Variants in SAXO1 observed in about 807,000 individuals in gnomAD.
SAXO1 encodes 4930500O09Rik.
Under a neutral mutation model 17.5 loss-of-function variants are expected in SAXO1, and 21 were observed. That is an observed-to-expected ratio of 1.20 (90% CI 0.85 to 1.72). SAXO1 has a LOEUF of 1.72. Ranked by LOEUF, SAXO1 falls within the 40% of genes most tolerant of loss-of-function variation. The pLI, the probability that SAXO1 is intolerant of heterozygous loss-of-function variation, is 0.00. For synonymous variants in SAXO1, 274 were observed against 216.5 expected, an observed-to-expected ratio of 1.27 and a Z score of -2.33; for missense variants, 843 against 596.0, an observed-to-expected ratio of 1.41 and a Z score of -4.32.
chr9:19,017,436 A>G (rs780580150), intron 1 of SAXO1, among the ~76,000 whole-genome samples: 2 of 152,242 alleles, frequency 1.3e-5, no homozygotes, highest in African/African-American at 2.4e-5. Context: ...TGAAGAATTC[A>G]TTCTACAGAC....
chr9:18,993,516 G>C (rs959104304), intron 1 of SAXO1, among the ~76,000 whole-genome samples: 5 of 152,176 alleles, frequency 3.3e-5, no homozygotes, highest in African/African-American at 1.2e-4. Flanking sequence ...GTGCAGACAT[G>C]TCCCATGTAA....
At chr9:18,985,641 C>T (rs1233937283) in intron 1 of SAXO1, among the ~76,000 whole-genome samples, 1 of 152,190 alleles carries the variant, frequency 6.6e-6, no homozygotes, top group Non-Finnish European at 1.5e-5. Context: ...CACGATGGAG[C>T]CCAAGGGCCT....
chr9:18,929,715 T>A (rs556682676), intron 3 of SAXO1, among the ~76,000 whole-genome samples: 50 of 152,314 alleles, frequency 3.3e-4, no homozygotes, highest in African/African-American at 8.9e-4. Context: ...CTTCAGACTG[T>A]CCTAATAAGG....
intron 1 of SAXO1, among the ~76,000 whole-genome samples, chr9:19,043,392 A>T (rs1836124591): frequency 6.6e-6 from 1 of 152,174 alleles, no homozygotes; most frequent in African/African-American, 2.4e-5. Flanking sequence ...TGGTTACCAG[A>T]GGCTGGGAAG....
chr9:19,028,228 T>C, intron 1 of SAXO1: 1 of 872,434 alleles, frequency 1.1e-6, no homozygotes, highest in Non-Finnish European at 1.7e-6. Flanking sequence ...ATACAAAAAT[T>C]AGCCGGCCGT....
At position 19,033,072 on chromosome 9, in the gene SAXO1, G is replaced by A. The variant is rs914435962; in HGVS notation, c.-164C>T. 3.7e-5 allele frequency: 24 copies of A among 653,704 alleles called. 1 individual carries two copies. The Admixed American group carries it at 4.7e-4, about 13-fold the overall frequency. The allele number at this position is 653,704 out of a possible 1,614,324, so 40.5% of individuals were successfully genotyped here. Reference sequence around the variant, plus strand: ...AGTGGCCCTTTTGCAATGTCCTGTCGTCTGTTGCCCTCCTGGAGCTGGCCT... The same window carrying A: ...AGTGGCCCTTTTGCAATGTCCTGTCATCTGTTGCCCTCCTGGAGCTGGCCT... On this transcript the variant is annotated 5_prime_UTR_variant, in exon 1 of 4. The change creates a new upstream start codon in the 5' untranslated region. Coordinates refer to ENST00000380534, the MANE Select transcript of SAXO1 (RefSeq NM_153707.4).
chr9:19,013,540 A>ATTTTTT (rs1219136885), intron 1 of SAXO1, among the ~76,000 whole-genome samples: 14 of 93,190 alleles, frequency 1.5e-4, no homozygotes, highest in African/African-American at 2.1e-4. Flanking sequence ...AAAAGTACGG[A>ATTTTTT]TTTTTTTTTT....
At chr9:18,957,797 C>A (rs951840586) in intron 1 of SAXO1, among the ~76,000 whole-genome samples, 1 of 152,142 alleles carries the variant, frequency 6.6e-6, no homozygotes, top group Non-Finnish European at 1.5e-5. Flanking sequence ...CCCCCACAAC[C>A]CAACTGGCCT....
intron 1 of SAXO1, among the ~76,000 whole-genome samples, chr9:19,012,208 A>C (rs1834774038): frequency 6.6e-6 from 1 of 152,170 alleles, no homozygotes; most frequent in Non-Finnish European, 1.5e-5. Flanking sequence ...TTTTCTTTTG[A>C]CCAAAGGCAA....
chr9:19,011,546 G>A (rs1032445222), intron 1 of SAXO1, among the ~76,000 whole-genome samples: 2 of 152,176 alleles, frequency 1.3e-5, no homozygotes, highest in Admixed American at 1.3e-4. Context: ...AAATTGTAGG[G>A]CCCAAGGCTA....
intron 1 of SAXO1, among the ~76,000 whole-genome samples, chr9:18,986,608 G>T (rs1368302136): frequency 1.8e-5 from 2 of 109,940 alleles, no homozygotes; most frequent in Non-Finnish European, 4.7e-5. Flanking sequence ...TTCTCCAAAG[G>T]AGAAAAAAAA....
rs767391256 is a variant in SAXO1 at position 18,928,378 on chromosome 9, G to A, written c.1099C>T (p.Pro367Ser). Residue 367 changes from proline (P) to serine (S), a missense_variant, in exon 4 of 4, where the codon CCC (proline) becomes TCC (serine). Physicochemically the swap from Pro to Ser is moderately conservative, Grantham distance 74. Transcript: ENST00000380534. ...CGAGTGGTGGTCAGGCAGTCCAGGG[G>A]CTCGGTGGGCAAGTCCAGCTGGGGA... ...PVPQLDLPTE[P>S]LDCLTTTRAH... The A allele has an allele frequency of 5.6e-5, 91 of 1,612,244 alleles. No individual in the cohort carries two copies. The South Asian group carries it at 8.8e-4, about 16-fold the overall frequency.
chr9:18,958,840 A>G (rs187403055), intron 1 of SAXO1, among the ~76,000 whole-genome samples: 18 of 142,490 alleles, frequency 1.3e-4, no homozygotes, highest in Admixed American at 2.2e-4. Context: ...ACGAAGCCAT[A>G]AAAATATGAA....
chr9:18,970,232 A>G (rs948833137), intron 1 of SAXO1, among the ~76,000 whole-genome samples: 2 of 152,238 alleles, frequency 1.3e-5, no homozygotes, highest in Non-Finnish European at 2.9e-5. Flanking sequence ...GATAAAAATG[A>G]TAACAGTTAT....
intron 1 of SAXO1, among the ~76,000 whole-genome samples, chr9:18,965,103 G>A (rs940228123): frequency 6.6e-6 from 1 of 152,204 alleles, no homozygotes; most frequent in Non-Finnish European, 1.5e-5. Context: ...TAATTTGATT[G>A]CACTGTGGCC....
At chr9:19,007,050 T>C (rs752697655) in intron 1 of SAXO1, among the ~76,000 whole-genome samples, 8 of 125,992 alleles carry the variant, frequency 6.3e-5, no homozygotes, top group Non-Finnish European at 1.4e-4. Context: ...ATCTCAAAAA[T>C]AAAAATAAAA....
chr9:19,024,256 G>A (rs111641054), intron 1 of SAXO1, among the ~76,000 whole-genome samples: 7 of 151,618 alleles, frequency 4.6e-5, no homozygotes, highest in African/African-American at 7.3e-5. Context: ...AAGGGCAGCC[G>A]CACTAAACCC....
At chr9:18,969,390 T>G (rs1426589071) in intron 1 of SAXO1, among the ~76,000 whole-genome samples, 1 of 152,288 alleles carries the variant, frequency 6.6e-6, no homozygotes, top group Admixed American at 6.5e-5. Context: ...CCCTGTGAAT[T>G]TCGGATGAAA....
intron 1 of SAXO1, among the ~76,000 whole-genome samples, chr9:18,959,933 T>C (rs537699640): frequency 7.2e-5 from 11 of 152,212 alleles, no homozygotes; most frequent in African/African-American, 2.6e-4. Flanking sequence ...TCAGCAGCAA[T>C]GCAAGGCTAA....
Sources: allele counts gnomAD v4.1 joint callset (sites outside exome capture counted in the v4.1 genomes callset), GRCh38; gene constraint gnomAD v4.1.1; transcripts MANE v1.5; gene names NCBI Gene and HGNC (gene_info 2026-07-23, HGNC 2026-07-21).